Variants in ZIC1 observed in about 807,000 individuals in gnomAD.
The protein encoded by ZIC1 is Zic family zinc finger 1.
ZIC1 carries 4 observed loss-of-function variants against 30.9 expected under a neutral mutation model. That is an observed-to-expected ratio of 0.13 (90% CI 0.06 to 0.30). The LOEUF is 0.30. Ranked by LOEUF, ZIC1 falls within the 10% of genes least tolerant of loss-of-function variation. ZIC1 has a pLI of 1.00. For missense variants in ZIC1, 441 were observed against 639.3 expected (o/e 0.69, Z 3.34); for synonymous variants, 305 against 277.5 (o/e 1.10, Z -0.98).
chr3:147,410,661 C>A lies in ZIC1; in HGVS notation c.549C>A (p.Ser183Arg). Residue 183 changes from serine to arginine, a missense_variant, in exon 1 of 3, where the codon AGC becomes AGA. This residue lies in a region of ZIC1 where 307 missense variants were observed against 355.3 expected (regional missense o/e 0.86). Transcript: ENST00000282928. ...PRPEQYGQVT[S>R]PRSEHYAAPQ... The stretch of plus-strand genomic sequence containing the variant: ...CGGAGCAGTACGGCCAGGTGACCAG[C>A]CCGCGTTCGGAGCACTATGCTGCGC... 1 of 1,613,782 alleles carries A rather than the reference C, an allele frequency of 6.2e-7. No individual in the cohort carries two copies. Among genetic ancestry groups the A allele is most frequent in the Non-Finnish European group, 8.5e-7 (1 of 1,179,938 alleles).
In ZIC1 at chr3:147,410,891, A is replaced by T; in HGVS notation, c.779A>T (p.His260Leu). The T allele has an allele frequency of 6.2e-7, 1 of 1,614,272 alleles. No homozygotes were observed. The change falls in exon 1 of 3, where the codon CAC (histidine) becomes CTC (leucine). Residue 260 changes from histidine to leucine, a missense_variant. By Grantham distance (99) the His-to-Leu change is moderately conservative (BLOSUM62 -3). Transcript: ENST00000282928. Reference sequence around the variant, plus strand: ...CTAGTTACGCACGTCACCGTGGAGCACGTAGGTGGCCCGGAGCAGAGTAAT... The same window carrying T: ...CTAGTTACGCACGTCACCGTGGAGCTCGTAGGTGGCCCGGAGCAGAGTAAT... ...HELVTHVTVE[H>L]VGGPEQSNHI...
chr3:147,410,725 G>T lies in ZIC1; in HGVS notation c.613G>T (p.Ala205Ser), dbSNP rs1221348074. 1 of 1,613,956 alleles carries T rather than the reference G, an allele frequency of 6.2e-7. No homozygotes were observed. The highest frequency in any genetic ancestry group is 1.3e-5 in the African/African-American group (1 of 74,934). Residue 205 changes from alanine to serine, a missense_variant, in exon 1 of 3, where the codon GCC (alanine) becomes TCC (serine). Around this residue, in one of 5 missense-constraint regions of ZIC1, gnomAD observed 307 missense variants for 355.3 expected, o/e 0.86. Transcript: ENST00000282928. ...CTACGGGCCCATGAACGTGAACATG[G>T]CCGCGCATCACGGCGCCGGCGCCTT... ...HGYGPMNVNM[A>S]AHHGAGAFFR...
At position 147,409,668 on chromosome 3, in the gene ZIC1, C is replaced by G; in HGVS notation, c.-445C>G. The G allele has an allele frequency of 6.0e-6, 1 of 166,026 alleles. No homozygotes were observed. Among genetic ancestry groups the G allele is most frequent in the Non-Finnish European group, 1.3e-5 (1 of 77,654 alleles). The allele number at this position is 166,026 out of a possible 1,614,324, so 10.3% of individuals were successfully genotyped here. A position where few individuals can be genotyped will look rare whatever the true frequency, so the allele number is the denominator to read the frequency against. On this transcript the variant is annotated 5_prime_UTR_variant, in exon 1 of 3. Transcript: ENST00000282928. The stretch of plus-strand genomic sequence containing the variant: ...GAGAAGTAAGGAGGGGCGCGCTGCG[C>G]GAGGCGGAGAGAGGGCGAAGCAGTC...
At chr3:147,411,595 C>A (rs2087379316) in intron 1 of ZIC1, among the ~76,000 whole-genome samples, 1 of 152,106 alleles carries the variant, frequency 6.6e-6, no homozygotes, top group Non-Finnish European at 1.5e-5. Context: ...AGAATTGAGA[C>A]AGAGTGGGGA....
rs913762010 is a variant in ZIC1, at chr3:147,415,724, C to T, written c.*2173C>T. 2 of 152,228 alleles carry T rather than the reference C, an allele frequency of 1.3e-5. No homozygotes were observed. Among genetic ancestry groups the T allele is most frequent in the African/African-American group, 4.8e-5 (2 of 41,448 alleles). The allele number at this position is 152,228 out of a possible 1,614,324, so 9.4% of individuals were successfully genotyped here. ...AAAGAAAACAAGAGGAAAAACCCCA[C>T]AAAGTATAACAACCCCTTAAGATAC... On this transcript the variant is annotated 3_prime_UTR_variant, in exon 3 of 3. Coordinates refer to ENST00000282928, the MANE Select transcript of ZIC1 (RefSeq NM_003412.4).
rs1435661469 is a variant in ZIC1, at chr3:147,409,966, C to G, written c.-147C>G. On this transcript the variant is annotated 5_prime_UTR_variant, in exon 1 of 3. Transcript: ENST00000282928. ...CGCCATTGCCTGCAGGCTAGGACTT[C>G]GCGAGGTGGGTCGACTCCCCCTCCC... is the stretch of plus-strand genomic sequence containing the variant. 2 of 911,206 alleles carry G rather than the reference C, an allele frequency of 2.2e-6. No individual in the cohort carries two copies. The highest frequency in any genetic ancestry group is 3.1e-6 in the Non-Finnish European group (2 of 640,642). The allele number at this position is 911,206 out of a possible 1,614,324, so 56.4% of individuals were successfully genotyped here.
In ZIC1 at chr3:147,414,256, ATGT is replaced by A. The variant is rs888279771; in HGVS notation, c.*710_*712del. ...AGTCTAAGTACTTTAGTGCAGTAAAATGTTGTTTCATGTCCTGTCAAGAATTCG... is the reference window on the plus strand; with the variant it reads ...AGTCTAAGTACTTTAGTGCAGTAAAATGTTTCATGTCCTGTCAAGAATTCG... On this transcript the variant is annotated 3_prime_UTR_variant, in exon 3 of 3. Transcript: ENST00000282928. 1 of 152,554 alleles carries A rather than the reference ATGT, an allele frequency of 6.6e-6. No homozygotes were observed. The highest frequency in any genetic ancestry group is 1.5e-5 in the Non-Finnish European group (1 of 68,014). The allele number at this position is 152,554 out of a possible 1,614,324, so 9.5% of individuals were successfully genotyped here. A position where few individuals can be genotyped will look rare whatever the true frequency, so the allele number is the denominator to read the frequency against.
chr3:147,413,322 A>G, intron 2 of ZIC1, 32 bp from the exon 3 acceptor site: 1 of 1,603,166 alleles, frequency 6.2e-7, no homozygotes. Context: ...CTGGCTCTTT[A>G]TGTCCGTAAA....
chr3:147,411,810 A>G lies in ZIC1; in HGVS notation c.983-708A>G, dbSNP rs562259257. ...TCTTTGGCCTTTAAAAATAATCAAG[A>G]CACAGGTCCGGAACAGTTAAAAAAA... On this transcript the variant is annotated intron_variant, in intron 1 of 2. Coordinates refer to ENST00000282928, the MANE Select transcript of ZIC1 (RefSeq NM_003412.4). 2.0e-5 allele frequency among the ~76,000 whole-genome samples: 3 copies of G among 151,026 alleles called. No homozygotes were observed. The Admixed American group carries it at 2.0e-4, about 10-fold the overall frequency.
rs2087419372 is a variant in ZIC1, at chr3:147,414,730, A to T, written c.*1179A>T. ...TGCTACCCTGCTGGCTCTCCGAGAGAGTGTAATTAGTATTTATATCAAAAT... is the reference window on the plus strand; with the variant it reads ...TGCTACCCTGCTGGCTCTCCGAGAGTGTGTAATTAGTATTTATATCAAAAT... On this transcript the variant is annotated 3_prime_UTR_variant, in exon 3 of 3. Coordinates refer to ENST00000282928, the MANE Select transcript of ZIC1 (RefSeq NM_003412.4). 1 of 152,610 alleles carries T rather than the reference A, an allele frequency of 6.6e-6. No homozygotes were observed. Among genetic ancestry groups the T allele is most frequent in the Non-Finnish European group, 1.5e-5 (1 of 68,042 alleles). The allele number at this position is 152,610 out of a possible 1,614,324, so 9.5% of individuals were successfully genotyped here. A position where few individuals can be genotyped will look rare whatever the true frequency, so the allele number is the denominator to read the frequency against.
Position 147,410,421 on chromosome 3 carries a change from C to T in ZIC1, c.309C>T (p.Arg103=), listed in dbSNP as rs746914552. Residue 103 remains arginine, a synonymous_variant, in exon 1 of 3, where the codon CGC becomes CGT. Transcript: ENST00000282928. ...ACTCCACGCGGGACTTTCTGTTCCG[C>T]AACCGGGGTTTTGGCGACGCGGCGG... ...AFNSTRDFLF[R]NRGFGDAAAA... 46 of 1,603,494 alleles carry T rather than the reference C, an allele frequency of 2.9e-5. No homozygotes were observed. The South Asian group carries it at 4.9e-4, about 17-fold the overall frequency.
Position 147,410,549 on chromosome 3 carries a change from T to C in ZIC1, c.437T>C (p.Leu146Pro). Residue 146 changes from leucine (L) to proline (P), a missense_variant, in exon 1 of 3, where the codon CTT (leucine) becomes CCT (proline). By Grantham distance (98) the Leu-to-Pro change is moderately conservative. This residue lies in a region of ZIC1 where 307 missense variants were observed against 355.3 expected (regional missense o/e 0.86). Coordinates refer to ENST00000282928, the MANE Select transcript of ZIC1 (RefSeq NM_003412.4). Reference sequence around the variant, plus strand: ...GCGGGCCACCTCCTCTTCCCCGGGCTTCACGAGCAGGCTGCCGGCCACGCG... The same window carrying C: ...GCGGGCCACCTCCTCTTCCCCGGGCCTCACGAGCAGGCTGCCGGCCACGCG... ...DAAGHLLFPG[L>P]HEQAAGHASP... 2 of 1,611,082 alleles carry C rather than the reference T, an allele frequency of 1.2e-6. No individual in the cohort carries two copies. Among genetic ancestry groups the C allele is most frequent in the Non-Finnish European group, 1.7e-6 (2 of 1,179,330 alleles).
chr3:147,412,969 G>C (rs2087395155), intron 2 of ZIC1, among the ~76,000 whole-genome samples: 1 of 152,202 alleles, frequency 6.6e-6, no homozygotes, highest in South Asian at 2.1e-4. Context: ...TTTGCAGGGG[G>C]TTGACGCTGC....
chr3:147,410,899 G>T lies in ZIC1; in HGVS notation c.787G>T (p.Gly263Cys), dbSNP rs1279059570. 6.2e-7 allele frequency: 1 copy of T among 1,614,274 alleles called. No homozygotes were observed. The highest frequency in any genetic ancestry group is 8.5e-7 in the Non-Finnish European group (1 of 1,180,046). The part of the protein sequence containing the change: ...VTHVTVEHVG[G>C]PEQSNHICFW... ...GCACGTCACCGTGGAGCACGTAGGT[G>T]GCCCGGAGCAGAGTAATCACATCTG... Residue 263 changes from glycine (G) to cysteine (C), a missense_variant, in exon 1 of 3, where the codon GGC becomes TGC. This residue lies in a region of ZIC1 where 33 missense variants were observed against 66.5 expected (regional missense o/e 0.50). Transcript: ENST00000282928.
intron 1 of ZIC1, among the ~76,000 whole-genome samples, 176 bp downstream of exon 1, chr3:147,411,270 AAC>A (rs3832180): frequency 0.27 from 41,395 of 151,332 alleles, 5,799 homozygotes; most frequent in South Asian, 0.3. Context: ...AATTATGGAA[AAC>A]ACACACACAC....
chr3:147,413,249 G>A (rs1033169392), intron 2 of ZIC1, 105 bp from the exon 3 acceptor site: 1 of 1,228,024 alleles, frequency 8.1e-7, no homozygotes. Flanking sequence ...TGTGTTCAGG[G>A]GGCTCCAAGG....
intron 2 of ZIC1, 121 bp downstream of exon 2, chr3:147,412,802 G>T (rs899166298): frequency 1.1e-5 from 14 of 1,261,998 alleles, no homozygotes; most frequent in African/African-American, 1.5e-5. Context: ...GAAGGCAAAG[G>T]TTCCACTCAG....
In ZIC1 at chr3:147,409,849, A is replaced by C. The variant is rs2087347449; in HGVS notation, c.-264A>C. 1 of 471,780 alleles carries C rather than the reference A, an allele frequency of 2.1e-6. No homozygotes were observed. The allele number at this position is 471,780 out of a possible 1,614,324, so 29.2% of individuals were successfully genotyped here. A position where few individuals can be genotyped will look rare whatever the true frequency, so the allele number is the denominator to read the frequency against. Reference sequence around the variant, plus strand: ...AGAAAGTGCGAGCCGGGCCGGCAGAATCTGCCTGGCGGGCGCTGGAGCCTG... The same window carrying C: ...AGAAAGTGCGAGCCGGGCCGGCAGACTCTGCCTGGCGGGCGCTGGAGCCTG... On this transcript the variant is annotated 5_prime_UTR_variant, in exon 1 of 3. Transcript: ENST00000282928.
rs1301212026 is a variant in ZIC1 at position 147,415,857 on chromosome 3, T to C, written c.*2306T>C. 6.6e-6 allele frequency: 1 copy of C among 151,610 alleles called. No homozygotes were observed. The highest frequency in any genetic ancestry group is 2.4e-5 in the African/African-American group (1 of 41,452). The allele number at this position is 151,610 out of a possible 1,614,324, so 9.4% of individuals were successfully genotyped here. On this transcript the variant is annotated 3_prime_UTR_variant, in exon 3 of 3. Transcript: ENST00000282928. ...CTTTGTTGACTTGTCTTTTCATCTC[T>C]TGCTATTTATATTTGTCACTGTTTC... is the stretch of plus-strand genomic sequence containing the variant.
Sources: gnomAD v4.1 joint callset for allele counts (sites outside exome capture counted in the v4.1 genomes callset) on GRCh38, gnomAD v4.1.1 for gene constraint, gnomAD v4.1.1 regional missense constraint, MANE v1.5 for transcripts, NCBI Gene and HGNC (gene_info 2026-07-23, HGNC 2026-07-21) for gene names.